The following PHF10 variants were observed in gnomAD, a reference collection of about 807,000 sequenced individuals.
The protein encoded by PHF10 is BRG1-associated factor 45a.
PHF10 carries 51 observed loss-of-function variants against 68.5 expected under a neutral mutation model. The ratio of observed to expected loss-of-function variants is 0.74; its 90% CI spans 0.59 to 0.94. The LOEUF is 0.94. PHF10 is among the 40% of genes least tolerant of loss of function. The pLI, the probability that PHF10 is intolerant of heterozygous loss-of-function variation, is 0.00. For synonymous variants in PHF10, 204 were observed against 203.5 expected, an observed-to-expected ratio of 1.00 and a Z score of -0.02; for missense variants, 460 against 602.6, an observed-to-expected ratio of 0.76 and a Z score of 2.48.
chr6:169,711,024 T>A (rs1032446605), intron 8 of PHF10, among the ~76,000 whole-genome samples: 3 of 152,202 alleles, frequency 2.0e-5, no homozygotes, highest in Non-Finnish European at 2.9e-5. Context: ...AGAACTTTCA[T>A]ATAAATTACA....
chr6:169,710,889 A>G (rs189684072), intron 8 of PHF10, among the ~76,000 whole-genome samples: 1 of 152,196 alleles, frequency 6.6e-6, no homozygotes, highest in East Asian at 1.9e-4. Context: ...TCACAATGTT[A>G]AACTATGCAG....
chr6:169,713,438 A>C (rs558050172), intron 7 of PHF10, among the ~76,000 whole-genome samples: 3 of 152,158 alleles, frequency 2.0e-5, no homozygotes, highest in East Asian at 3.9e-4. Context: ...GTCTCTACTA[A>C]ATATACAGAA....
chr6:169,716,177 G>T lies in PHF10; in HGVS notation c.410-89C>A. 5 of 752,676 alleles carry T rather than the reference G, an allele frequency of 6.6e-6. No homozygotes were observed. In the South Asian group the frequency reaches 1.2e-4, roughly 18 times the overall value. The allele number at this position is 752,676 out of a possible 1,614,324, so 46.6% of individuals were successfully genotyped here. On this transcript the variant is annotated intron_variant, in intron 4 of 11. Coordinates refer to ENST00000339209, the MANE Select transcript of PHF10 (RefSeq NM_018288.4). Reference sequence around the variant, plus strand: ...TCTTCAAAATTTAATTCTTCAAACCGCTCCACGTTGTAATGGTTTTCCAAT... The same window carrying T: ...TCTTCAAAATTTAATTCTTCAAACCTCTCCACGTTGTAATGGTTTTCCAAT...
Position 169,717,875 on chromosome 6 carries a change from C to A in PHF10, c.357G>T (p.Glu119Asp). ...DLERRDLSHK[E>D]KLYLRELNVI... ...CATTTAGCTCTCTCAGGTAGAGTTT[C>A]TCCTTGTGAGACAAATCTCGTCGCT... The change falls in exon 4 of 12, where the codon GAG becomes GAT. Residue 119 changes from glutamate to aspartate, a missense_variant. Physicochemically the swap from Glu to Asp is conservative, Grantham distance 45. Transcript: ENST00000339209. 1 of 1,570,876 alleles carries A rather than the reference C, an allele frequency of 6.4e-7. No homozygotes were observed. The highest frequency in any genetic ancestry group is 8.7e-7 in the Non-Finnish European group (1 of 1,146,684).
chr6:169,713,930 T>A (rs1229541304), intron 7 of PHF10, among the ~76,000 whole-genome samples: 1 of 152,144 alleles, frequency 6.6e-6, no homozygotes, highest in Non-Finnish European at 1.5e-5. Context: ...AAGAGCATCC[T>A]GGCCAACATG....
chr6:169,722,424 A>G (rs1562989619), intron 1 of PHF10, among the ~76,000 whole-genome samples: 1 of 152,208 alleles, frequency 6.6e-6, no homozygotes, highest in Non-Finnish European at 1.5e-5. Context: ...ACTGGTGAGC[A>G]TTTTAAGGAT....
intron 2 of PHF10, among the ~76,000 whole-genome samples, chr6:169,720,229 G>A (rs1789144963): frequency 6.6e-6 from 1 of 152,088 alleles, no homozygotes; most frequent in East Asian, 1.9e-4. Flanking sequence ...AAATTGGTGT[G>A]CAGCCCCTAT....
chr6:169,705,100 A>G (rs537980031), intron 11 of PHF10, 33 bp downstream of exon 11: 1 of 1,535,834 alleles, frequency 6.5e-7, no homozygotes, highest in South Asian at 1.3e-5. Flanking sequence ...CTCATCACCC[A>G]AAGATAATGT....
chr6:169,706,303 CTT>C lies in PHF10; in HGVS notation c.1114-581_1114-580del, dbSNP rs373331512. ...CGTGTACATAAACGTTTGTGGAAAACTTAGTTGTGTGATTATTCTCTTTGCAT... is the reference window on the plus strand; with the variant it reads ...CGTGTACATAAACGTTTGTGGAAAACAGTTGTGTGATTATTCTCTTTGCAT... On this transcript the variant is annotated intron_variant, in intron 9 of 11. Transcript: ENST00000339209. 1.6e-3 allele frequency among the ~76,000 whole-genome samples: 245 copies of C among 148,940 alleles called. 1 individual carries two copies. The highest frequency in any genetic ancestry group is 5.9e-3 in the African/African-American group (234 of 39,750).
intron 9 of PHF10, chr6:169,709,540 G>A (rs1010544814): frequency 4.6e-5 from 7 of 152,160 alleles, no homozygotes; most frequent in African/African-American, 1.7e-4. Context: ...GGGAGGGGCA[G>A]ACAGAGGGAG....
Position 169,710,217 on chromosome 6 carries a change from A to T in PHF10, c.1113+19T>A, listed in dbSNP as rs1788895329. The T allele has an allele frequency of 6.4e-7, 1 of 1,563,954 alleles. No individual in the cohort carries two copies. Among genetic ancestry groups the T allele is most frequent in the Non-Finnish European group, 8.6e-7 (1 of 1,158,268 alleles). On this transcript the variant is annotated intron_variant, in intron 9 of 11. Coordinates refer to ENST00000339209, the MANE Select transcript of PHF10 (RefSeq NM_018288.4). ...GGCTGGTCAGTAAAGAAGCTGAGTC[A>T]GGGGCTTTTTTCTTCTACCTTGTAC... is the stretch of plus-strand genomic sequence containing the variant.
intron 9 of PHF10, among the ~76,000 whole-genome samples, chr6:169,706,719 TACATACATACACACACACACACAC>T (rs1239904607): frequency 8.8e-5 from 7 of 79,702 alleles, no homozygotes; most frequent in African/African-American, 2.8e-4. Flanking sequence ...GGGACATACA[TACATACATACACACACACACACAC>T]ACACACACAC....
At chr6:169,718,089 G>A (rs1789093607) in intron 3 of PHF10, among the ~76,000 whole-genome samples, 183 bp from the exon 4 acceptor site, 1 of 151,984 alleles carries the variant, frequency 6.6e-6, no homozygotes, top group Non-Finnish European at 1.5e-5. Context: ...ACAAAAGTTA[G>A]AATAAAATAG....
intron 1 of PHF10, among the ~76,000 whole-genome samples, chr6:169,723,632 C>T (rs1048991210): frequency 1.3e-5 from 2 of 152,138 alleles, no homozygotes; most frequent in Non-Finnish European, 2.9e-5. Flanking sequence ...GAAGCCGCGC[C>T]GCGTCCCCCG....
At chr6:169,705,408 C>A (rs1450534878) in intron 10 of PHF10, 87 bp from the exon 11 acceptor site, 2 of 910,446 alleles carry the variant, frequency 2.2e-6, no homozygotes, top group East Asian at 5.0e-5. Flanking sequence ...TTTAGGACTT[C>A]CAGAGAATGG....
rs200565755 is a variant in PHF10 at position 169,710,407 on chromosome 6, C to T, written c.958-16G>A. 2.9e-4 allele frequency: 463 copies of T among 1,593,110 alleles called. No individual in the cohort carries two copies. The highest frequency in any genetic ancestry group is 3.4e-4 in the Non-Finnish European group (395 of 1,167,324). ...AGGAGCTGTCCTGGAGTTTAAAAGG[C>T]AAAAACAAAGATTCTTTGGAATTAA... On this transcript the variant is annotated splice_polypyrimidine_tract_variant and intron_variant, in intron 8 of 11. Coordinates refer to ENST00000339209, the MANE Select transcript of PHF10 (RefSeq NM_018288.4).
At chr6:169,721,958 C>T (rs970917998) in intron 1 of PHF10, among the ~76,000 whole-genome samples, 11 of 152,096 alleles carry the variant, frequency 7.2e-5, no homozygotes, top group African/African-American at 2.7e-4. Context: ...GTATAGTGGC[C>T]AGGCATGCCA....
chr6:169,713,468 C>T (rs555379022), intron 7 of PHF10, among the ~76,000 whole-genome samples: 7 of 151,946 alleles, frequency 4.6e-5, no homozygotes, highest in Admixed American at 6.5e-5. Flanking sequence ...GGCAAGGTGG[C>T]GGGCACCTGT....
intron 11 of PHF10, 41 bp downstream of exon 11, chr6:169,705,092 C>T (rs1266059873): frequency 6.8e-7 from 1 of 1,467,808 alleles, no homozygotes; most frequent in Non-Finnish European, 9.3e-7. Flanking sequence ...GGGAGAGTCT[C>T]ATCACCCAAA....
Sources: allele counts gnomAD v4.1 joint callset (sites outside exome capture counted in the v4.1 genomes callset), GRCh38; gene constraint gnomAD v4.1.1; transcripts MANE v1.5; gene names NCBI Gene and HGNC (gene_info 2026-07-23, HGNC 2026-07-21).